The following EFHC1 variants were observed in gnomAD, a reference collection of about 807,000 sequenced individuals.
EFHC1 encodes the protein EF-hand domain-containing protein 1.
Under a neutral mutation model 69.9 loss-of-function variants are expected in EFHC1, and 53 were observed. The ratio of observed to expected loss-of-function variants is 0.76; its 90% confidence interval spans 0.61 to 0.95. The LOEUF (loss-of-function observed/expected upper bound fraction) is 0.95. Ranked by LOEUF, EFHC1 falls within the 40% of genes least tolerant of loss-of-function variation. The pLI, the probability that EFHC1 is intolerant of heterozygous loss-of-function variation, is 0.00. For missense variants in EFHC1, 739 were observed against 798.7 expected (o/e 0.93, Z 0.90); for synonymous variants, 256 against 278.4 (o/e 0.92, Z 0.80).
chr6:52,423,301 A>G (rs1764229663), intron 1 of EFHC1, among the ~76,000 whole-genome samples: 1 of 152,222 alleles, frequency 6.6e-6, no homozygotes, highest in South Asian at 2.1e-4. Context: ...TCAGATGAAA[A>G]ACATGAGAAG....
At chr6:52,445,674 C>T (rs142303233) in intron 3 of EFHC1, among the ~76,000 whole-genome samples, 20,847 of 152,136 alleles carry the variant, frequency 0.14, 1,796 homozygotes, top group East Asian at 0.45. Context: ...TTAGATCTTA[C>T]CTGCTTTCTC....
chr6:52,457,147 T>C (rs1231132064), intron 5 of EFHC1, among the ~76,000 whole-genome samples: 2 of 152,376 alleles, frequency 1.3e-5, no homozygotes, highest in African/African-American at 2.4e-5. Context: ...TAACTCCCAT[T>C]CCTAGAATCC....
rs994771247 is a variant in EFHC1, at chr6:52,492,647, C to G, written c.*306C>G. The G allele has an allele frequency of 8.4e-6, 4 of 476,906 alleles. No individual in the cohort carries two copies. Among genetic ancestry groups the G allele is most frequent in the Admixed American group, 7.0e-5 (3 of 42,952 alleles). 29.5% of individuals were successfully genotyped at this position (476,906 alleles called of 1,614,324 possible). A position where few individuals can be genotyped will look rare whatever the true frequency, so the allele number is the denominator to read the frequency against. On this transcript the variant is annotated 3_prime_UTR_variant, in exon 11 of 11. Coordinates refer to ENST00000371068, the MANE Select transcript of EFHC1 (RefSeq NM_018100.4). ...AAATTTTTTTAGAGATGGGATCTCACTCTGTCATACAGGCTGGAGTGTGGT... is the reference window on the plus strand; with the variant it reads ...AAATTTTTTTAGAGATGGGATCTCAGTCTGTCATACAGGCTGGAGTGTGGT...
rs200008941 is a variant in EFHC1 at position 52,441,324 on chromosome 6, TATATGGCTAGC to T, written c.573+2746_573+2756del. On this transcript the variant is annotated intron_variant, in intron 3 of 10. Transcript: ENST00000371068. ...GTTGATTTTTATATCTGGTGTAAGA[TATATGGCTAGC>T]ATATGGCTAGCAGGTTATCCCAGCA... Among the ~76,000 whole-genome samples, 838 of 151,980 alleles carry T rather than the reference TATATGGCTAGC, an allele frequency of 5.5e-3. 6 individuals are homozygous for T. Among genetic ancestry groups the T allele is most frequent in the African/African-American group, 0.019 (787 of 41,524 alleles).
At chr6:52,473,807 G>C (rs1157498584) in intron 7 of EFHC1, among the ~76,000 whole-genome samples, 1 of 151,932 alleles carries the variant, frequency 6.6e-6, no homozygotes, top group Non-Finnish European at 1.5e-5. Flanking sequence ...AATTAAAATG[G>C]ATAAATTTGA....
intron 7 of EFHC1, among the ~76,000 whole-genome samples, chr6:52,474,939 G>A (rs1765514237): frequency 1.3e-5 from 2 of 151,714 alleles, no homozygotes. Flanking sequence ...CTGGATGGTG[G>A]TTATATGGGT....
Position 52,495,445 on chromosome 6 carries a change from A to T in EFHC1, c.*3104A>T, listed in dbSNP as rs969153040. 1.3e-5 allele frequency: 6 copies of T among 454,018 alleles called. No individual in the cohort carries two copies. Among genetic ancestry groups the T allele is most frequent in the Non-Finnish European group, 2.6e-5 (6 of 226,808 alleles). 28.1% of individuals were successfully genotyped at this position (454,018 alleles called of 1,614,324 possible). On this transcript the variant is annotated 3_prime_UTR_variant, in exon 11 of 11. Coordinates refer to ENST00000371068, the MANE Select transcript of EFHC1 (RefSeq NM_018100.4). ...GAGGAGCTTTGGGCTACTCCTTAACAAATCATTCATGGATCGGCAGCAAAT... is the reference window on the plus strand; with the variant it reads ...GAGGAGCTTTGGGCTACTCCTTAACTAATCATTCATGGATCGGCAGCAAAT...
rs1281073106 is a variant in EFHC1, at chr6:52,496,509, C to T, written c.*4168C>T. 6.6e-6 allele frequency: 1 copy of T among 152,150 alleles called. No homozygotes were observed. Among genetic ancestry groups the T allele is most frequent in the East Asian group, 1.9e-4 (1 of 5,194 alleles). The allele number at this position is 152,150 out of a possible 1,614,324, so 9.4% of individuals were successfully genotyped here. ...GGACACATAGGTAGAGAAGACGTCT[C>T]TAAATGTTGTCCAGAGAATCCACTT... On this transcript the variant is annotated 3_prime_UTR_variant, in exon 11 of 11. Coordinates refer to ENST00000371068, the MANE Select transcript of EFHC1 (RefSeq NM_018100.4).
intron 3 of EFHC1, 47 bp from the exon 4 acceptor site, chr6:52,452,641 T>C (rs754327641): frequency 1.9e-6 from 3 of 1,605,712 alleles, no homozygotes; most frequent in African/African-American, 2.7e-5. Flanking sequence ...TAACTTACTC[T>C]GAAAAGCTCC....
intron 3 of EFHC1, among the ~76,000 whole-genome samples, chr6:52,446,801 A>T (rs1764797475): frequency 6.6e-6 from 1 of 152,124 alleles, no homozygotes; most frequent in Non-Finnish European, 1.5e-5. Flanking sequence ...AAAGGATTTT[A>T]TTTCTCCTTC....
Position 52,423,987 on chromosome 6 carries a change from C to A in EFHC1, c.105C>A (p.Asn35Lys), listed in dbSNP as rs534406651. Reference sequence around the variant, plus strand: ...GAAGTCAGACGCTGAGCTACAGGAACGGCTATGCAATTGTTCGACGTCCAA... The same window carrying A: ...GAAGTCAGACGCTGAGCTACAGGAAAGGCTATGCAATTGTTCGACGTCCAA... ...FHRSQTLSYR[N>K]GYAIVRRPTV... The change falls in exon 2 of 11, where the codon AAC becomes AAA. Residue 35 changes from asparagine to lysine, a missense_variant. Coordinates refer to ENST00000371068, the MANE Select transcript of EFHC1 (RefSeq NM_018100.4). 6.2e-7 allele frequency: 1 copy of A among 1,614,026 alleles called. No individual in the cohort carries two copies.
chr6:52,492,173 C>A, intron 10 of EFHC1, 97 bp from the exon 11 acceptor site: 1 of 1,103,130 alleles, frequency 9.1e-7, no homozygotes. Context: ...AACTGATTTA[C>A]AAAGGCTCGG....
chr6:52,475,865 A>G (rs1765534805), intron 7 of EFHC1, among the ~76,000 whole-genome samples: 1 of 152,252 alleles, frequency 6.6e-6, no homozygotes, highest in Non-Finnish European at 1.5e-5. Flanking sequence ...AAATAAATAC[A>G]TTGTATAAGG....
At chr6:52,470,406 G>C (rs1765410463) in intron 7 of EFHC1, among the ~76,000 whole-genome samples, 1 of 152,108 alleles carries the variant, frequency 6.6e-6, no homozygotes, top group East Asian at 1.9e-4. Context: ...GCGGCTTGTT[G>C]AATTATTATA....
In EFHC1 at chr6:52,450,860, G is replaced by A. The variant is rs146580297; in HGVS notation, c.574-1828G>A. On this transcript the variant is annotated intron_variant, in intron 3 of 10. Coordinates refer to ENST00000371068, the MANE Select transcript of EFHC1 (RefSeq NM_018100.4). ...GTCACCCAGGTTGGCGTGCAGTGGCGTGCTCTCAGCTCACTGCAAACTCTG... is the reference window on the plus strand; with the variant it reads ...GTCACCCAGGTTGGCGTGCAGTGGCATGCTCTCAGCTCACTGCAAACTCTG... 4.8e-3 allele frequency among the ~76,000 whole-genome samples: 724 copies of A among 152,148 alleles called. 4 individuals carry two copies. Among genetic ancestry groups the A allele is most frequent in the African/African-American group, 0.016 (666 of 41,520 alleles).
At chr6:52,431,210 T>C (rs963705121) in intron 2 of EFHC1, among the ~76,000 whole-genome samples, 1 of 152,190 alleles carries the variant, frequency 6.6e-6, no homozygotes, top group Non-Finnish European at 1.5e-5. Flanking sequence ...TTGTTTCTGC[T>C]TTGATCTTGG....
intron 3 of EFHC1, among the ~76,000 whole-genome samples, chr6:52,448,932 G>A (rs944738761): frequency 9.9e-5 from 15 of 152,258 alleles, no homozygotes; most frequent in Admixed American, 7.8e-4. Context: ...TTTTGTTGAG[G>A]ATATTTGCAT....
At chr6:52,452,019 G>A (rs1255755528) in intron 3 of EFHC1, among the ~76,000 whole-genome samples, 1 of 152,160 alleles carries the variant, frequency 6.6e-6, no homozygotes, top group Non-Finnish European at 1.5e-5. Context: ...TTAGGTTCCA[G>A]ATATATGAAA....
chr6:52,475,922 A>G (rs573210329), intron 7 of EFHC1, among the ~76,000 whole-genome samples: 1 of 152,198 alleles, frequency 6.6e-6, no homozygotes. Flanking sequence ...ACAGAGAATG[A>G]TGGGGAAGGG....
Sources: allele counts gnomAD v4.1 joint callset (sites outside exome capture counted in the v4.1 genomes callset), GRCh38; gene constraint gnomAD v4.1.1; transcripts MANE v1.5; gene names NCBI Gene and HGNC (gene_info 2026-07-23, HGNC 2026-07-21).